Variants in B4GALNT2 observed in about 807,000 individuals in gnomAD.
The protein encoded by B4GALNT2 is beta-1,4-N-acetyl-galactosaminyltransferase 2 (SID blood group), also known as N-acetylneuraminylgalactosylglucosyl-glucoside beta-1,4-N- acetylgalactosaminyltransferase 2.
A neutral mutation model predicts 51.1 loss-of-function variants in B4GALNT2; 42 were observed. That is an observed-to-expected ratio of 0.82 (90% CI 0.64 to 1.06). The LOEUF is 1.06. Ranked by LOEUF, B4GALNT2 falls within the 50% of genes least tolerant of loss-of-function variation. B4GALNT2 has a pLI of 0.00. For missense variants in B4GALNT2, 602 were observed against 633.6 expected, an observed-to-expected ratio of 0.95 and a Z score of 0.54; for synonymous variants, 253 against 251.7, an observed-to-expected ratio of 1.01 and a Z score of -0.05.
chr17:49,124,703 T>A, the B4GALNT2 span, among the ~76,000 whole-genome samples: 2 of 152,226 alleles, frequency 1.3e-5, no homozygotes, highest in Non-Finnish European at 2.9e-5. Flanking sequence ...GCTCAATTTT[T>A]AATAAAACCT....
chr17:49,143,797 T>C (rs756126912), intron 3 of B4GALNT2, among the ~76,000 whole-genome samples: 33 of 152,112 alleles, frequency 2.2e-4, no homozygotes, highest in Admixed American at 3.9e-4. Context: ...GTACCACATA[T>C]TGACAGGGCA....
chr17:49,155,126 T>C (rs2042795832), intron 4 of B4GALNT2, among the ~76,000 whole-genome samples: 1 of 151,490 alleles, frequency 6.6e-6, no homozygotes, highest in South Asian at 2.1e-4. Context: ...CTGGCCAACA[T>C]AGTGAAACCT....
chr17:49,121,492 C>T, the B4GALNT2 span, among the ~76,000 whole-genome samples: 75 of 152,244 alleles, frequency 4.9e-4, no homozygotes, highest in Non-Finnish European at 8.7e-4. Flanking sequence ...CCATAAGGGA[C>T]GAGTAGACAG....
At position 49,171,398 on chromosome 17, in the gene B4GALNT2, T is replaced by A. The variant is rs1393630903; in HGVS notation, c.*1670T>A. On this transcript the variant is annotated 3_prime_UTR_variant, in exon 11 of 11. Coordinates refer to ENST00000393354, the MANE Select transcript of B4GALNT2 (RefSeq NM_001159387.2). ...CAGTTCCTGGCATTAAGGTCAAGTGTGCCTGGGATGCTTTAAATATTTGTT... is the reference window on the plus strand; with the variant it reads ...CAGTTCCTGGCATTAAGGTCAAGTGAGCCTGGGATGCTTTAAATATTTGTT... The A allele has an allele frequency of 2.3e-6, 1 of 434,412 alleles. No individual in the cohort carries two copies. The highest frequency in any genetic ancestry group is 2.8e-5 in the Admixed American group (1 of 36,124). 26.9% of individuals were successfully genotyped at this position (434,412 alleles called of 1,614,324 possible).
At chr17:49,141,984 C>T in intron 2 of B4GALNT2, 51 bp from the exon 3 acceptor site, 2 of 1,608,416 alleles carry the variant, frequency 1.2e-6, no homozygotes, top group Non-Finnish European at 1.7e-6. Flanking sequence ...TTCCTCTCAC[C>T]CACCAGCCTA....
chr17:49,130,899 C>G (rs137885171), upstream of B4GALNT2, among the ~76,000 whole-genome samples: 15 of 152,310 alleles, frequency 9.8e-5, no homozygotes, highest in African/African-American at 3.1e-4. Flanking sequence ...CTGGATTTGT[C>G]TACCTCCTCC....
intron 3 of B4GALNT2, among the ~76,000 whole-genome samples, chr17:49,149,797 AT>A (rs1422788837): frequency 6.6e-6 from 1 of 152,034 alleles, no homozygotes; most frequent in Non-Finnish European, 1.5e-5. Context: ...TGCCTTTTTT[AT>A]TTTTGATAGA....
chr17:49,139,404 A>AT lies in B4GALNT2; in HGVS notation c.15-1833dup, dbSNP rs905903285. ...CAGGCCTGGGCCACCATGCCCAGCT[A>AT]TTTTTTTTTTCAGTAGAGACATTCA... On this transcript the variant is annotated intron_variant, in intron 1 of 10. Transcript: ENST00000393354. Among the ~76,000 whole-genome samples, 257 of 149,046 alleles carry AT rather than the reference A, an allele frequency of 1.7e-3. 1 individual carries two copies. Among genetic ancestry groups the AT allele is most frequent in the Middle Eastern group, 0.014 (4 of 282 alleles).
rs1178641387 is a variant in B4GALNT2, at chr17:49,171,086, G to T, written c.*1358G>T. ...GCCATCATGAACATGTCACAGTACT[G>T]CAGAGATTTTGTTTATGGCCAGTTT... is the stretch of plus-strand genomic sequence containing the variant. On this transcript the variant is annotated 3_prime_UTR_variant, in exon 11 of 11. Transcript: ENST00000393354. The T allele has an allele frequency of 5.0e-6, 1 of 199,054 alleles. No homozygotes were observed. Among genetic ancestry groups the T allele is most frequent in the African/African-American group, 2.4e-5 (1 of 41,724 alleles). The allele number at this position is 199,054 out of a possible 1,614,324, so 12.3% of individuals were successfully genotyped here. A position where few individuals can be genotyped will look rare whatever the true frequency, so the allele number is the denominator to read the frequency against.
chr17:49,133,153 T>G, intron 1 of B4GALNT2: 2 of 1,534,380 alleles, frequency 1.3e-6, no homozygotes, highest in Non-Finnish European at 1.7e-6. Context: ...GCTCTCTGCT[T>G]GGAACTCAGA....
At position 49,132,839 on chromosome 17, in the gene B4GALNT2, G is replaced by A. The variant is rs764208043; in HGVS notation, c.14+33G>A. The A allele has an allele frequency of 2.2e-4, 302 of 1,373,996 alleles. 1 individual carries two copies. The highest frequency in any genetic ancestry group is 2.1e-3 in the Middle Eastern group (11 of 5,236). The allele number at this position is 1,373,996 out of a possible 1,614,324, so 85.1% of individuals were successfully genotyped here. On this transcript the variant is annotated intron_variant, in intron 1 of 10. Coordinates refer to ENST00000393354, the MANE Select transcript of B4GALNT2 (RefSeq NM_001159387.2). ...TCCCCGGGGCAGAGCAGAGCGAGAGGTGAAACTTCGGGAGCAGGGAGCGCC... is the reference window on the plus strand; with the variant it reads ...TCCCCGGGGCAGAGCAGAGCGAGAGATGAAACTTCGGGAGCAGGGAGCGCC...
intron 1 of B4GALNT2, among the ~76,000 whole-genome samples, chr17:49,140,521 TCTAA>T (rs1187296440): frequency 4.6e-5 from 7 of 152,216 alleles, no homozygotes; most frequent in African/African-American, 1.4e-4. Flanking sequence ...TGTCAGCATC[TCTAA>T]CTATCTTTGT....
Position 49,173,993 on chromosome 17 carries a change from G to T in B4GALNT2, c.*4265G>T, listed in dbSNP as rs999867250. 6 of 152,140 alleles carry T rather than the reference G, an allele frequency of 3.9e-5. No homozygotes were observed. Among genetic ancestry groups the T allele is most frequent in the African/African-American group, 1.4e-4 (6 of 41,420 alleles). 9.4% of individuals were successfully genotyped at this position (152,140 alleles called of 1,614,324 possible). On this transcript the variant is annotated 3_prime_UTR_variant, in exon 11 of 11. Transcript: ENST00000393354. ...GCATAGGTAGGAATGCCTAGAGTAGGTCATATCCAATTAATGTCCCCTGGT... is the reference window on the plus strand; with the variant it reads ...GCATAGGTAGGAATGCCTAGAGTAGTTCATATCCAATTAATGTCCCCTGGT...
upstream of B4GALNT2, among the ~76,000 whole-genome samples, chr17:49,128,406 G>A (rs2042521188): frequency 6.6e-6 from 1 of 152,202 alleles, no homozygotes; most frequent in Non-Finnish European, 1.5e-5. Context: ...AGCAGATGCA[G>A]AGGGATGAGA....
rs1032230098 is a variant in B4GALNT2 at position 49,152,684 on chromosome 17, C to T, written c.354-116C>T. 6 of 701,886 alleles carry T rather than the reference C, an allele frequency of 8.5e-6. No individual in the cohort carries two copies. The Admixed American group carries it at 1.7e-4, about 20-fold the overall frequency. The allele number at this position is 701,886 out of a possible 1,614,324, so 43.5% of individuals were successfully genotyped here. A position where few individuals can be genotyped will look rare whatever the true frequency, so the allele number is the denominator to read the frequency against. ...AGAATGGAGGGAGACAGGGACAACC[C>T]AATTTTGATTTCTCCATATTGTCAG... On this transcript the variant is annotated intron_variant, in intron 3 of 10. Transcript: ENST00000393354.
Position 49,141,338 on chromosome 17 carries a change from G to A in B4GALNT2, c.106G>A (p.Val36Met). 1 of 1,614,176 alleles carries A rather than the reference G, an allele frequency of 6.2e-7. No individual in the cohort carries two copies. The highest frequency in any genetic ancestry group is 8.5e-7 in the Non-Finnish European group (1 of 1,180,026). The stretch of plus-strand genomic sequence containing the variant: ...GTTCGGAAGCATGTTCCTTCAAGCA[G>A]TGTTCAGCAGCCCCAAGCCAGAACT... ...FMFGSMFLQA[V>M]FSSPKPELPS... Residue 36 changes from valine to methionine, a missense_variant, in exon 2 of 11, where the codon GTG (valine) becomes ATG (methionine). Val to Met is a conservative substitution (Grantham distance 21). Transcript: ENST00000393354.
intron 3 of B4GALNT2, among the ~76,000 whole-genome samples, chr17:49,146,880 G>C (rs376613778): frequency 9.9e-5 from 15 of 152,168 alleles, no homozygotes; most frequent in African/African-American, 3.4e-4. Flanking sequence ...TTCCCTGAAG[G>C]TTGGCACTGC....
At position 49,150,752 on chromosome 17, in the gene B4GALNT2, C is replaced by T. The variant is rs560209669; in HGVS notation, c.354-2048C>T. The stretch of plus-strand genomic sequence containing the variant: ...TGCTCGTTAAGAGTCATCACCACTC[C>T]CTAATCTCAAGTACCCAGGGACACA... On this transcript the variant is annotated intron_variant, in intron 3 of 10. Coordinates refer to ENST00000393354, the MANE Select transcript of B4GALNT2 (RefSeq NM_001159387.2). 5.4e-4 allele frequency among the ~76,000 whole-genome samples: 81 copies of T among 150,334 alleles called. 2 individuals are homozygous for T. The highest frequency in any genetic ancestry group is 2.0e-3 in the Admixed American group (30 of 15,110).
Position 49,175,986 on chromosome 17 carries a change from C to T in B4GALNT2, c.*6258C>T, listed in dbSNP as rs1292337191. On this transcript the variant is annotated 3_prime_UTR_variant, in exon 11 of 11. Transcript: ENST00000393354. ...TCTTCTGTTACTTTGTTATACTTTC[C>T]TTCCTTCTCATCATTAGTGTGAAAA... 1 of 152,232 alleles carries T rather than the reference C, an allele frequency of 6.6e-6. No individual in the cohort carries two copies. Among genetic ancestry groups the T allele is most frequent in the Non-Finnish European group, 1.5e-5 (1 of 68,050 alleles). 9.4% of individuals were successfully genotyped at this position (152,232 alleles called of 1,614,324 possible). A position where few individuals can be genotyped will look rare whatever the true frequency, so the allele number is the denominator to read the frequency against.
Sources: allele counts gnomAD v4.1 joint callset (sites outside exome capture counted in the v4.1 genomes callset), GRCh38; gene constraint gnomAD v4.1.1; transcripts MANE v1.5; gene names NCBI Gene and HGNC (gene_info 2026-07-23, HGNC 2026-07-21).